The following ADAMTS6 variants were observed in gnomAD, a reference collection of about 807,000 sequenced individuals.
ADAMTS6 encodes A disintegrin and metalloproteinase with thrombospondin motifs 6.
In ADAMTS6, 23 loss-of-function variants were observed where a neutral mutation model predicts 144.3. That is an observed-to-expected ratio of 0.16 (90% confidence interval 0.11 to 0.23). The LOEUF is 0.23. Among genes scored for constraint, ADAMTS6 ranks in the 10% least tolerant of loss-of-function variants. ADAMTS6 has a pLI of 1.00. For missense variants in ADAMTS6, 999 were observed against 1,379.6 expected, an observed-to-expected ratio of 0.72 and a Z score of 4.37; for synonymous variants, 444 against 457.5, an observed-to-expected ratio of 0.97 and a Z score of 0.38.
intron 4 of ADAMTS6, among the ~76,000 whole-genome samples, chr5:65,456,687 C>T (rs1018823721): frequency 6.6e-6 from 1 of 152,032 alleles, no homozygotes; most frequent in African/African-American, 2.4e-5. Context: ...TTAATGAATA[C>T]ATAAGTAGAT....
At chr5:65,464,416 G>C (rs768406409) in intron 3 of ADAMTS6, among the ~76,000 whole-genome samples, 8 of 152,084 alleles carry the variant, frequency 5.3e-5, no homozygotes, top group Non-Finnish European at 5.9e-5. Flanking sequence ...ATTTTTAAAA[G>C]AATGCAAAAA....
At chr5:65,325,246 C>A (rs540787515) in intron 9 of ADAMTS6, among the ~76,000 whole-genome samples, 12 of 152,068 alleles carry the variant, frequency 7.9e-5, no homozygotes, top group African/African-American at 2.9e-4. Flanking sequence ...CCTTTGCCAA[C>A]GCTCACTGAA....
At chr5:65,371,522 C>T (rs1348596131) in intron 7 of ADAMTS6, among the ~76,000 whole-genome samples, 7 of 151,866 alleles carry the variant, frequency 4.6e-5, no homozygotes, top group Admixed American at 1.3e-4. Context: ...AGGGTATCAG[C>T]GATGGAAGAT....
chr5:65,222,651 C>T (rs1186981871), intron 18 of ADAMTS6, among the ~76,000 whole-genome samples: 1 of 151,936 alleles, frequency 6.6e-6, no homozygotes, highest in Non-Finnish European at 1.5e-5. Flanking sequence ...AGGTATCAGT[C>T]GTAGTATGCA....
chr5:65,209,604 C>A (rs1272519787), intron 20 of ADAMTS6, among the ~76,000 whole-genome samples: 2 of 152,194 alleles, frequency 1.3e-5, no homozygotes, highest in African/African-American at 4.8e-5. Flanking sequence ...TCTCAAGCTT[C>A]TTATCTTAAA....
At chr5:65,234,254 C>A (rs760362731) in intron 15 of ADAMTS6, among the ~76,000 whole-genome samples, 1 of 151,708 alleles carries the variant, frequency 6.6e-6, no homozygotes, top group Non-Finnish European at 1.5e-5. Context: ...ACCAAAAGCA[C>A]AGACAAAAAA....
At chr5:65,404,580 A>G (rs2150170490) in intron 7 of ADAMTS6, among the ~76,000 whole-genome samples, 1 of 152,258 alleles carries the variant, frequency 6.6e-6, no homozygotes, top group Middle Eastern at 3.4e-3. Flanking sequence ...AGTCTTTGCT[A>G]TTGTGAATAA....
At chr5:65,364,546 T>C (rs1164821910) in intron 7 of ADAMTS6, among the ~76,000 whole-genome samples, 1 of 150,342 alleles carries the variant, frequency 6.7e-6, no homozygotes, top group Non-Finnish European at 1.5e-5. Context: ...GACTATGGAA[T>C]CCTGAATGAA....
intron 15 of ADAMTS6, among the ~76,000 whole-genome samples, chr5:65,240,334 T>C (rs142530548): frequency 2.7e-3 from 413 of 152,124 alleles, no homozygotes; most frequent in African/African-American, 8.3e-3. Flanking sequence ...TTAAAGAAGA[T>C]TTACAATAGA....
chr5:65,355,511 T>C (rs1749233763), intron 7 of ADAMTS6, among the ~76,000 whole-genome samples: 1 of 151,892 alleles, frequency 6.6e-6, no homozygotes, highest in Non-Finnish European at 1.5e-5. Context: ...TTGACCAAAG[T>C]AAAGATAACC....
chr5:65,284,071 T>A (rs1452183378), intron 11 of ADAMTS6, among the ~76,000 whole-genome samples: 1 of 152,188 alleles, frequency 6.6e-6, no homozygotes, highest in South Asian at 2.1e-4. Context: ...GCCAGTGATA[T>A]CCCCAAAAGA....
rs539566139 is a variant in ADAMTS6 at position 65,194,599 on chromosome 5, A to C, written c.2705+2423T>G. Among the ~76,000 whole-genome samples, 4 of 152,348 alleles carry C rather than the reference A, an allele frequency of 2.6e-5. No homozygotes were observed. In the South Asian group the frequency reaches 8.3e-4, roughly 32 times the overall value. On this transcript the variant is annotated intron_variant, in intron 21 of 24. Transcript: ENST00000381055. The stretch of plus-strand genomic sequence containing the variant: ...CATATATAACCATTTTGAAGAATTA[A>C]AATTTCCTTTTCCATAGTCTGAATT...
At chr5:65,199,130 AT>A (rs201778178) in intron 20 of ADAMTS6, among the ~76,000 whole-genome samples, 10 of 151,322 alleles carry the variant, frequency 6.6e-5, no homozygotes, top group South Asian at 2.1e-4. Flanking sequence ...TAGTGTGATT[AT>A]TTTTTTTTAA....
At chr5:65,418,149 G>C (rs1437903258) in intron 7 of ADAMTS6, among the ~76,000 whole-genome samples, 1 of 152,132 alleles carries the variant, frequency 6.6e-6, no homozygotes, top group Non-Finnish European at 1.5e-5. Flanking sequence ...AATGGTGCTA[G>C]GACAGCTGGC....
At position 65,153,521 on chromosome 5, in the gene ADAMTS6, A is replaced by G. The variant is rs141051249; in HGVS notation, c.3245-1576T>C. On this transcript the variant is annotated intron_variant, in intron 24 of 24. Transcript: ENST00000381055. Reference sequence around the variant, plus strand: ...GAACGTCAACTACAGCAGTGCCTGGAACACAGGAAGTATGGGATAAGTGTA... The same window carrying G: ...GAACGTCAACTACAGCAGTGCCTGGGACACAGGAAGTATGGGATAAGTGTA... Among the ~76,000 whole-genome samples the G allele has an allele frequency of 1.6e-4, 24 of 152,372 alleles. No individual in the cohort carries two copies. In the East Asian group the frequency reaches 4.6e-3, roughly 29 times the overall value.
chr5:65,158,667 G>C (rs1384424427), intron 24 of ADAMTS6, among the ~76,000 whole-genome samples: 2 of 152,142 alleles, frequency 1.3e-5, no homozygotes, highest in Non-Finnish European at 2.9e-5. Context: ...ACCCAGGGTG[G>C]CTTTAATTCA....
At chr5:65,309,799 A>G (rs908053330) in intron 9 of ADAMTS6, among the ~76,000 whole-genome samples, 1 of 152,056 alleles carries the variant, frequency 6.6e-6, no homozygotes, top group Non-Finnish European at 1.5e-5. Context: ...GAACCCTGAA[A>G]AAATTTGCTC....
intron 15 of ADAMTS6, among the ~76,000 whole-genome samples, chr5:65,238,061 TG>T (rs1159602265): frequency 6.6e-6 from 1 of 150,838 alleles, no homozygotes; most frequent in Non-Finnish European, 1.5e-5. Context: ...ACTCCAGCCT[TG>T]GCAACAGAGC....
At chr5:65,414,766 T>A (rs1230267713) in intron 7 of ADAMTS6, among the ~76,000 whole-genome samples, 1 of 152,208 alleles carries the variant, frequency 6.6e-6, no homozygotes, top group Non-Finnish European at 1.5e-5. Context: ...TGTGAAAATG[T>A]GTTTTGTATA....
Sources: gnomAD v4.1 joint callset for allele counts (sites outside exome capture counted in the v4.1 genomes callset) on GRCh38, gnomAD v4.1.1 for gene constraint, MANE v1.5 for transcripts, NCBI Gene and HGNC (gene_info 2026-07-23, HGNC 2026-07-21) for gene names.